ACAP2: variants seen among roughly 807,000 people sequenced by gnomAD.
ACAP2 encodes ArfGAP with coiled-coil, ankyrin repeat and PH domains 2.
Under a neutral mutation model 115.8 loss-of-function variants are expected in ACAP2, and 39 were observed. The observed-to-expected ratio is 0.34, with a 90% CI of 0.26 to 0.44. The LOEUF is 0.44. Ranked by LOEUF, ACAP2 falls within the 20% of genes least tolerant of loss-of-function variation. ACAP2 has a pLI of 1.00. For missense variants in ACAP2, 662 were observed against 927.6 expected (o/e 0.71, Z 3.72); for synonymous variants, 289 against 315.8 (o/e 0.92, Z 0.90).
intron 1 of ACAP2, among the ~76,000 whole-genome samples, chr3:195,438,101 C>G (rs1249335312): frequency 6.7e-6 from 1 of 150,328 alleles, no homozygotes; most frequent in Non-Finnish European, 1.5e-5. Flanking sequence ...TCTCAGCTCA[C>G]TGCAACCTCT....
At chr3:195,428,367 T>C (rs1332934911) in intron 1 of ACAP2, among the ~76,000 whole-genome samples, 1 of 151,244 alleles carries the variant, frequency 6.6e-6, no homozygotes, top group African/African-American at 2.4e-5. Context: ...CACACACTCA[T>C]ATATATAGGT....
chr3:195,312,245 A>T (rs908595059), intron 10 of ACAP2, among the ~76,000 whole-genome samples: 1 of 152,114 alleles, frequency 6.6e-6, no homozygotes, highest in Non-Finnish European at 1.5e-5. Flanking sequence ...ATAGGTAAAC[A>T]ACTGGTAAAA....
intron 4 of ACAP2, among the ~76,000 whole-genome samples, chr3:195,356,369 C>T (rs1731970568): frequency 6.6e-6 from 1 of 152,188 alleles, no homozygotes; most frequent in Non-Finnish European, 1.5e-5. Flanking sequence ...GGCTAAAGTG[C>T]TCTGGGGTCC....
intron 4 of ACAP2, chr3:195,356,011 C>G (rs1423117402): frequency 2.3e-6 from 1 of 436,812 alleles, no homozygotes; most frequent in Non-Finnish European, 4.7e-6. Context: ...ATCTGACAAC[C>G]ACCTACACAA....
chr3:195,420,933 C>T (rs1241894528), intron 1 of ACAP2, among the ~76,000 whole-genome samples: 2 of 152,074 alleles, frequency 1.3e-5, no homozygotes, highest in Admixed American at 6.6e-5. Flanking sequence ...TGTGAGCCGC[C>T]GCACCTGGCC....
At chr3:195,332,612 T>G (rs1730247311) in intron 8 of ACAP2, among the ~76,000 whole-genome samples, 1 of 152,192 alleles carries the variant, frequency 6.6e-6, no homozygotes, top group East Asian at 1.9e-4. Flanking sequence ...AATCTCATCT[T>G]GAATTATAAT....
chr3:195,381,120 C>A, intron 3 of ACAP2, 58 bp from the exon 4 acceptor site: 3 of 1,312,098 alleles, frequency 2.3e-6, no homozygotes, highest in Non-Finnish European at 3.2e-6. Flanking sequence ...AAATAGGTCA[C>A]AAAAATGTGA....
chr3:195,312,061 G>GA (rs1420969765), intron 10 of ACAP2, among the ~76,000 whole-genome samples: 5 of 151,508 alleles, frequency 3.3e-5, no homozygotes, highest in African/African-American at 1.2e-4. Context: ...GGCAGGAAAA[G>GA]AAAAAATACA....
chr3:195,353,611 A>G (rs1731754844), intron 4 of ACAP2, among the ~76,000 whole-genome samples: 1 of 151,636 alleles, frequency 6.6e-6, no homozygotes, highest in African/African-American at 2.4e-5. Context: ...GGAGAGAAAC[A>G]GAAATTACAA....
chr3:195,383,870 A>C (rs758067170), intron 2 of ACAP2, among the ~76,000 whole-genome samples: 1 of 152,212 alleles, frequency 6.6e-6, no homozygotes, highest in Non-Finnish European at 1.5e-5. Context: ...ATGTGTCTTA[A>C]ACCCATGAAA....
chr3:195,356,873 G>A (rs1379259416), intron 4 of ACAP2, among the ~76,000 whole-genome samples: 4 of 151,846 alleles, frequency 2.6e-5, no homozygotes, highest in African/African-American at 9.7e-5. Context: ...CAGACATGCA[G>A]ACTTCAGGTG....
chr3:195,441,582 AAC>A (rs1303908579), intron 1 of ACAP2, among the ~76,000 whole-genome samples: 4 of 152,226 alleles, frequency 2.6e-5, no homozygotes, highest in Non-Finnish European at 5.9e-5. Context: ...AAATCCAATT[AAC>A]AGTGTTAAGG....
intron 1 of ACAP2, among the ~76,000 whole-genome samples, chr3:195,426,106 G>A (rs1469426081): frequency 1.3e-5 from 2 of 151,966 alleles, no homozygotes; most frequent in Admixed American, 6.6e-5. Flanking sequence ...CCTCATCCTT[G>A]CCTACCTCTG....
chr3:195,396,827 T>C (rs1395107721), intron 1 of ACAP2, among the ~76,000 whole-genome samples: 1 of 135,152 alleles, frequency 7.4e-6, no homozygotes, highest in Non-Finnish European at 1.6e-5. Context: ...AGAAGTATGC[T>C]AAATAATTAT....
At chr3:195,340,382 AC>A (rs1458284655) in intron 6 of ACAP2, among the ~76,000 whole-genome samples, 1 of 152,062 alleles carries the variant, frequency 6.6e-6, no homozygotes, top group African/African-American at 2.4e-5. Flanking sequence ...AGTTTTGAAT[AC>A]AATGAGAACA....
chr3:195,358,071 A>C (rs762227511), intron 4 of ACAP2, among the ~76,000 whole-genome samples: 3 of 152,192 alleles, frequency 2.0e-5, no homozygotes, highest in African/African-American at 4.8e-5. Flanking sequence ...TTACAATTCA[A>C]GATGAGATTT....
At chr3:195,400,283 G>A (rs1303565185) in intron 1 of ACAP2, among the ~76,000 whole-genome samples, 7 of 151,758 alleles carry the variant, frequency 4.6e-5, no homozygotes, top group Admixed American at 2.0e-4. Flanking sequence ...GAGGTGGGAG[G>A]AGAGGTCTAT....
At chr3:195,336,822 A>G in intron 7 of ACAP2, 110 bp downstream of exon 7, 1 of 844,448 alleles carries the variant, frequency 1.2e-6, no homozygotes, top group Non-Finnish European at 1.9e-6. Flanking sequence ...CAAAAAGAAG[A>G]GCAATTATAA....
At chr3:195,327,950 A>G (rs1422246380) in intron 8 of ACAP2, among the ~76,000 whole-genome samples, 2 of 145,550 alleles carry the variant, frequency 1.4e-5, no homozygotes, top group African/African-American at 4.9e-5. Flanking sequence ...AAAAAAAAAT[A>G]TATATATATG....
Sources: gnomAD v4.1 joint callset for allele counts (sites outside exome capture counted in the v4.1 genomes callset) on GRCh38, gnomAD v4.1.1 for gene constraint, MANE v1.5 for transcripts, NCBI Gene and HGNC (gene_info 2026-07-23, HGNC 2026-07-21) for gene names.